COPG2: variants seen among roughly 807,000 people sequenced by gnomAD.
COPG2 encodes coat protein complex I subunit gamma 2.
COPG2 carries 37 observed loss-of-function variants against 46.3 expected under a neutral mutation model. The ratio of observed to expected loss-of-function variants is 0.80; its 90% CI spans 0.61 to 1.05. COPG2 has a LOEUF of 1.05. COPG2 is among the 50% of genes least tolerant of loss of function. The pLI, the probability that COPG2 is intolerant of heterozygous loss-of-function variation, is 0.00. For missense variants in COPG2, 427 were observed against 387.8 expected (o/e 1.10, Z -0.85); for synonymous variants, 159 against 129.7 (o/e 1.23, Z -1.53).
At chr7:130,644,302 T>A (rs1346734338) in intron 5 of COPG2, among the ~76,000 whole-genome samples, 7 of 152,144 alleles carry the variant, frequency 4.6e-5, no homozygotes, top group African/African-American at 1.7e-4. Flanking sequence ...CCCTTTTGCA[T>A]CTAATCACTT....
At chr7:130,571,786 A>T (rs533092391) in intron 9 of COPG2, among the ~76,000 whole-genome samples, 1 of 152,250 alleles carries the variant, frequency 6.6e-6, no homozygotes, top group African/African-American at 2.4e-5. Context: ...AGAAATATGG[A>T]ACCAGCCCAA....
chr7:130,605,411 CCAGGTAGGTG>C (rs1462503134), intron 9 of COPG2, among the ~76,000 whole-genome samples: 2 of 152,116 alleles, frequency 1.3e-5, no homozygotes, highest in Admixed American at 1.3e-4. Context: ...CCTAAATTAC[CCAGGTAGGTG>C]CAATCTAATC....
chr7:130,516,842 G>A (rs904136504), intron 20 of COPG2, among the ~76,000 whole-genome samples: 2,427 of 152,242 alleles, frequency 0.016, 65 homozygotes, highest in African/African-American at 0.056. Flanking sequence ...GGTGAGAGGT[G>A]AGAGAGGCTA....
At chr7:130,647,150 C>T (rs1455734064) in intron 5 of COPG2, among the ~76,000 whole-genome samples, 1 of 151,938 alleles carries the variant, frequency 6.6e-6, no homozygotes, top group Admixed American at 6.6e-5. Flanking sequence ...AAGCGACTCT[C>T]CTGTCACAGC....
At chr7:130,560,866 C>T (rs1793707809) in intron 12 of COPG2, among the ~76,000 whole-genome samples, 167 bp downstream of exon 12, 1 of 151,872 alleles carries the variant, frequency 6.6e-6, no homozygotes, top group Non-Finnish European at 1.5e-5. Flanking sequence ...CATGAGAAAA[C>T]AAGTAGATAA....
chr7:130,600,949 C>G (rs1794622623), intron 9 of COPG2, among the ~76,000 whole-genome samples: 1 of 152,190 alleles, frequency 6.6e-6, no homozygotes, highest in Non-Finnish European at 1.5e-5. Flanking sequence ...TGGCCTGTCA[C>G]TTTTGAGATT....
intron 9 of COPG2, among the ~76,000 whole-genome samples, chr7:130,601,236 C>T (rs1172421805): frequency 6.6e-6 from 1 of 152,178 alleles, no homozygotes; most frequent in Non-Finnish European, 1.5e-5. Context: ...TTAGTTCAAC[C>T]ATTGTGGAAG....
At chr7:130,586,827 CTATCTA>C (rs1440890084) in intron 9 of COPG2, among the ~76,000 whole-genome samples, 1 of 151,918 alleles carries the variant, frequency 6.6e-6, no homozygotes, top group Non-Finnish European at 1.5e-5. Flanking sequence ...CTTTTCCTTC[CTATCTA>C]TAAGTGGCAC....
intron 20 of COPG2, among the ~76,000 whole-genome samples, chr7:130,517,218 G>A (rs1371906064): frequency 1.3e-5 from 2 of 152,138 alleles, no homozygotes; most frequent in African/African-American, 4.8e-5. Context: ...AGGTTATGAT[G>A]GAATAAGAAG....
chr7:130,648,453 T>G (rs1020957587), intron 5 of COPG2, among the ~76,000 whole-genome samples: 4 of 152,176 alleles, frequency 2.6e-5, no homozygotes, highest in Admixed American at 2.6e-4. Context: ...CTAAATCTCA[T>G]GGACTCAAAA....
intron 9 of COPG2, among the ~76,000 whole-genome samples, chr7:130,596,472 T>C (rs1286489065): frequency 6.6e-6 from 1 of 152,180 alleles, no homozygotes; most frequent in Non-Finnish European, 1.5e-5. Context: ...TTCAGATGGA[T>C]TTTGGCAGGC....
At chr7:130,549,874 G>A (rs1056478143) in intron 17 of COPG2, among the ~76,000 whole-genome samples, 3 of 151,706 alleles carry the variant, frequency 2.0e-5, no homozygotes, top group South Asian at 2.1e-4. Context: ...CTTTTAAGAC[G>A]AACCTCCAAT....
At chr7:130,667,792 T>C (rs1167284165) in intron 1 of COPG2, among the ~76,000 whole-genome samples, 2 of 152,174 alleles carry the variant, frequency 1.3e-5, no homozygotes, top group East Asian at 1.9e-4. Context: ...TCTTTTTCCA[T>C]GAATGTTAAA....
chr7:130,525,052 G>A, intron 20 of COPG2, among the ~76,000 whole-genome samples: 1 of 152,274 alleles, frequency 6.6e-6, no homozygotes, highest in Non-Finnish European at 1.5e-5. Context: ...GGGTGGATGA[G>A]TGATGCAAGG....
chr7:130,605,647 G>A lies in COPG2; in HGVS notation c.737+5306C>T, dbSNP rs1205778856. The A allele has an allele frequency of 3.7e-5, 18 of 483,212 alleles. No individual in the cohort carries two copies. The East Asian group carries it at 9.5e-4, about 26-fold the overall frequency. 29.9% of individuals were successfully genotyped at this position (483,212 alleles called of 1,614,324 possible). ...CTCTAGAGGCACAGACTAACCTCCAGCTGAAAGCCAGCAAGGAAACAGAGA... is the reference window on the plus strand; with the variant it reads ...CTCTAGAGGCACAGACTAACCTCCAACTGAAAGCCAGCAAGGAAACAGAGA... On this transcript the variant is annotated intron_variant, in intron 9 of 23. Transcript: ENST00000425248.
chr7:130,612,073 G>GA (rs1482738311), intron 8 of COPG2, 79 bp downstream of exon 8: 20 of 967,578 alleles, frequency 2.1e-5, no homozygotes. Flanking sequence ...TTTATCTAGG[G>GA]AATCGATACA....
chr7:130,546,298 G>T (rs1206151244), intron 20 of COPG2, among the ~76,000 whole-genome samples: 1 of 152,242 alleles, frequency 6.6e-6, no homozygotes, highest in South Asian at 2.1e-4. Flanking sequence ...AATAAAACTA[G>T]CTTTACTTAA....
At chr7:130,532,586 AGAGT>A (rs1799839013) in intron 20 of COPG2, among the ~76,000 whole-genome samples, 3 of 151,982 alleles carry the variant, frequency 2.0e-5, no homozygotes, top group Non-Finnish European at 4.4e-5. Context: ...GGGGGAGATA[AGAGT>A]GAGTGCTGAT....
At chr7:130,593,308 A>G (rs964239597) in intron 9 of COPG2, among the ~76,000 whole-genome samples, 1 of 152,232 alleles carries the variant, frequency 6.6e-6, no homozygotes, top group African/African-American at 2.4e-5. Context: ...ATATCTGGAA[A>G]ATAAGACTGG....
Sources: allele counts gnomAD v4.1 joint callset (sites outside exome capture counted in the v4.1 genomes callset), GRCh38; gene constraint gnomAD v4.1.1; transcripts MANE v1.5; gene names NCBI Gene and HGNC (gene_info 2026-07-23, HGNC 2026-07-21).